The following KLC1 variants were observed in gnomAD, a reference collection of about 807,000 sequenced individuals.
KLC1 encodes kinesin light chain 1.
A neutral mutation model predicts 84.2 loss-of-function variants in KLC1; 30 were observed. That is an observed-to-expected ratio of 0.36 (90% CI 0.27 to 0.48). The LOEUF (loss-of-function observed/expected upper bound fraction) is 0.48. Ranked by LOEUF, KLC1 falls within the 20% of genes least tolerant of loss-of-function variation. KLC1 has a pLI of 0.99. For missense variants in KLC1, 499 were observed against 805.4 expected, an observed-to-expected ratio of 0.62 and a Z score of 4.60; for synonymous variants, 289 against 293.3, an observed-to-expected ratio of 0.99 and a Z score of 0.15.
chr14:103,681,529 G>A (rs982500493), intron 13 of KLC1, among the ~76,000 whole-genome samples: 3 of 150,824 alleles, frequency 2.0e-5, no homozygotes, highest in Non-Finnish European at 4.4e-5. Flanking sequence ...ACGCTATCTC[G>A]GCTCACTGCA....
rs541869650 is a variant in KLC1, at chr14:103,692,976, G to GT, written c.1848+554dup. Among the ~76,000 whole-genome samples the GT allele has an allele frequency of 2.6e-4, 40 of 152,336 alleles. 1 individual carries two copies. Among genetic ancestry groups the GT allele is most frequent in the African/African-American group, 7.9e-4 (33 of 41,574 alleles). On this transcript the variant is annotated intron_variant, in intron 15 of 16. Coordinates refer to ENST00000334553, the MANE Select transcript of KLC1 (RefSeq NM_001394837.1). ...GCCTCCCTTCCCCATCACGGAGGCC[G>GT]TTTGAGTTTTCATCCACTCCGCCCT...
At chr14:103,662,596 CCAAG>C in intron 4 of KLC1, 102 bp from the exon 5 acceptor site, 1 of 860,988 alleles carries the variant, frequency 1.2e-6, no homozygotes, top group Non-Finnish European at 1.8e-6. Flanking sequence ...GCACTGGGGG[CCAAG>C]TACTAACTTG....
chr14:103,664,112 CT>C (rs1038189115), intron 5 of KLC1, among the ~76,000 whole-genome samples: 6 of 152,110 alleles, frequency 3.9e-5, no homozygotes, highest in African/African-American at 1.4e-4. Flanking sequence ...CATTTTTTGA[CT>C]GTTTTCCTGT....
At chr14:103,675,627 T>G in intron 10 of KLC1, 26 bp downstream of exon 10, 1 of 1,608,540 alleles carries the variant, frequency 6.2e-7, no homozygotes, top group Non-Finnish European at 8.5e-7. Context: ...TTTGAGATTT[T>G]CTAAATTGTA....
chr14:103,692,127 A>G (rs1001783589), intron 14 of KLC1, among the ~76,000 whole-genome samples: 3 of 152,188 alleles, frequency 2.0e-5, no homozygotes, highest in Non-Finnish European at 4.4e-5. Flanking sequence ...TGCATATGGT[A>G]CTTTAAAAGA....
intron 1 of KLC1, among the ~76,000 whole-genome samples, chr14:103,636,889 AT>A (rs533299003): frequency 4.1e-4 from 59 of 144,042 alleles, no homozygotes; most frequent in Admixed American, 2.8e-4. Context: ...CGCCCAGCTA[AT>A]TTTTTTTTTT....
chr14:103,649,975 G>A (rs1201159916), intron 1 of KLC1, among the ~76,000 whole-genome samples: 1 of 152,150 alleles, frequency 6.6e-6, no homozygotes, highest in Non-Finnish European at 1.5e-5. Flanking sequence ...GATTACAGGC[G>A]TGAGCCACCG....
At chr14:103,695,266 G>C in intron 15 of KLC1, 1 of 664,000 alleles carries the variant, frequency 1.5e-6, no homozygotes, top group African/African-American at 2.0e-5. Flanking sequence ...TTCAAGAACA[G>C]CTTGGGCAAC....
At chr14:103,690,227 G>A (rs2082017937) in intron 14 of KLC1, among the ~76,000 whole-genome samples, 1 of 152,082 alleles carries the variant, frequency 6.6e-6, no homozygotes, top group Non-Finnish European at 1.5e-5. Context: ...GAATAACTGA[G>A]TATGTCAGAT....
At position 103,699,183 on chromosome 14, in the gene KLC1, G is replaced by C. The variant is rs757909834; in HGVS notation, c.1849-1472G>C. On this transcript the variant is annotated intron_variant, in intron 15 of 16. Transcript: ENST00000334553. Reference sequence around the variant, plus strand: ...GCTCCTCCATGGCCTCTGTCACCTGGAAGAGCACAGTCCAGGTCAGCTGCA... The same window carrying C: ...GCTCCTCCATGGCCTCTGTCACCTGCAAGAGCACAGTCCAGGTCAGCTGCA... 9 of 1,560,808 alleles carry C rather than the reference G, an allele frequency of 5.8e-6. No homozygotes were observed. The African/African-American group carries it at 8.1e-5, about 14-fold the overall frequency.
Position 103,693,610 on chromosome 14 carries a change from G to C in KLC1, c.1848+1185G>C. On this transcript the variant is annotated intron_variant, in intron 15 of 16. Coordinates refer to ENST00000334553, the MANE Select transcript of KLC1 (RefSeq NM_001394837.1). The surrounding 1 kb of genome is among the most constrained non-coding windows in gnomAD (Gnocchi z 5.1). ...TCTGAGTGCCAGCCACACTGACCTG[G>C]CCCACTGAGAGCCAGCAGGGCTAGG... The C allele has an allele frequency of 6.5e-7, 1 of 1,536,002 alleles. No individual in the cohort carries two copies. The highest frequency in any genetic ancestry group is 2.4e-5 in the East Asian group (1 of 40,918).
chr14:103,669,077 C>T (rs2080152861), intron 5 of KLC1, among the ~76,000 whole-genome samples: 1 of 151,976 alleles, frequency 6.6e-6, no homozygotes. Flanking sequence ...TGCACCCGGC[C>T]CTGTGGTTTT....
At chr14:103,679,340 T>C (rs2081178469) in intron 12 of KLC1, 44 bp from the exon 13 acceptor site, 1 of 1,588,948 alleles carries the variant, frequency 6.3e-7, no homozygotes, top group African/African-American at 1.4e-5. Context: ...AAGAAAATCT[T>C]AAGTGCTAAT....
chr14:103,684,716 G>T (rs1567037217), intron 13 of KLC1: 2 of 429,890 alleles, frequency 4.7e-6, no homozygotes, highest in East Asian at 4.5e-5. Context: ...GTGAGCGTGT[G>T]TGCACGCGTG....
intron 1 of KLC1, among the ~76,000 whole-genome samples, chr14:103,646,211 A>G (rs1390098966): frequency 1.3e-5 from 2 of 152,236 alleles, no homozygotes; most frequent in Non-Finnish European, 2.9e-5. Flanking sequence ...AAAATTCCCA[A>G]GGCCTTCTCT....
chr14:103,694,595 C>T lies in KLC1; in HGVS notation c.1848+2170C>T, dbSNP rs1015275449. 1.3e-5 allele frequency: 13 copies of T among 985,350 alleles called. No individual in the cohort carries two copies. In the African/African-American group the frequency reaches 1.7e-4, roughly 13 times the overall value. 61.0% of individuals were successfully genotyped at this position (985,350 alleles called of 1,614,324 possible). On this transcript the variant is annotated intron_variant, in intron 15 of 16. Transcript: ENST00000334553. The surrounding 1 kb of genome is among the most constrained non-coding windows in gnomAD (Gnocchi z 4.5). ...GGTAAAGAGCATACAAAACAGACGC[C>T]GAGGTGATCAGTGATTCCAAAGGCT...
At chr14:103,661,984 C>T (rs766777751) in intron 3 of KLC1, 132 bp from the exon 4 acceptor site, 51 of 670,042 alleles carry the variant, frequency 7.6e-5, no homozygotes, top group Non-Finnish European at 1.2e-4. Context: ...GTCGGCGATC[C>T]TACATTTGAT....
chr14:103,643,817 A>G (rs558170788), intron 1 of KLC1, among the ~76,000 whole-genome samples: 3 of 152,008 alleles, frequency 2.0e-5, no homozygotes, highest in Non-Finnish European at 4.4e-5. Flanking sequence ...AATCCCAGCT[A>G]CTCGGGAGGC....
intron 14 of KLC1, chr14:103,688,066 C>T (rs894700315): frequency 1.3e-5 from 2 of 152,224 alleles, no homozygotes; most frequent in African/African-American, 4.8e-5. Context: ...CTGATCACCT[C>T]AGGATGGTGA....
Sources: gnomAD v4.1 joint callset for allele counts (sites outside exome capture counted in the v4.1 genomes callset) on GRCh38, gnomAD v4.1.1 for gene constraint, Gnocchi (gnomAD v3.1) non-coding constraint, MANE v1.5 for transcripts, NCBI Gene and HGNC (gene_info 2026-07-23, HGNC 2026-07-21) for gene names.